YAE1: variants seen among roughly 807,000 people sequenced by gnomAD.
YAE1 encodes protein YAE1 homolog.
In YAE1, 22 loss-of-function variants were observed where a neutral mutation model predicts 23.0. The observed-to-expected ratio is 0.96, with a 90% CI of 0.68 to 1.37. The LOEUF (loss-of-function observed/expected upper bound fraction) is 1.37. Ranked by LOEUF, YAE1 falls within the 40% of genes most tolerant of loss-of-function variation. The pLI, the probability that YAE1 is intolerant of heterozygous loss-of-function variation, is 0.00. For missense variants in YAE1, 260 were observed against 262.1 expected (o/e 0.99, Z 0.06); for synonymous variants, 101 against 97.0 (o/e 1.04, Z -0.24).
chr7:39,603,712 A>G (rs1791087556), intron 2 of YAE1, among the ~76,000 whole-genome samples: 1 of 152,210 alleles, frequency 6.6e-6, no homozygotes, highest in South Asian at 2.1e-4. Flanking sequence ...CCTCAGTCTG[A>G]ATCTTCAATA....
rs535911484 is a variant in YAE1 at position 39,604,591 on chromosome 7, A to T, written c.252-5026A>T. ...CTTAGAGGAGTTTGGGAAACCATTT[A>T]TGTAAACTACTTGGATTGGGCAACT... On this transcript the variant is annotated intron_variant, in intron 2 of 2. Transcript: ENST00000432096. Among the ~76,000 whole-genome samples, 14 of 152,326 alleles carry T rather than the reference A, an allele frequency of 9.2e-5. No homozygotes were observed. In the East Asian group the frequency reaches 1.7e-3, roughly 19 times the overall value.
At chr7:39,582,000 T>C (rs1274541679) in intron 2 of YAE1, among the ~76,000 whole-genome samples, 4 of 152,088 alleles carry the variant, frequency 2.6e-5, no homozygotes, top group Non-Finnish European at 4.4e-5. Context: ...CAATTACAGC[T>C]TATGGCAGCC....
At chr7:39,588,735 C>T (rs1272817610) in intron 2 of YAE1, among the ~76,000 whole-genome samples, 2 of 152,052 alleles carry the variant, frequency 1.3e-5, no homozygotes, top group African/African-American at 4.8e-5. Context: ...CCTGTTTATT[C>T]CCTTGCCTGC....
intron 2 of YAE1, among the ~76,000 whole-genome samples, chr7:39,604,490 T>C (rs1334552355): frequency 6.6e-6 from 1 of 152,212 alleles, no homozygotes; most frequent in Admixed American, 6.5e-5. Flanking sequence ...CCTCCACTGA[T>C]ATTTGAGTCT....
chr7:39,575,537 G>GGAGAGAGAGAGAGAGAGAGAGAGAGAGA (rs56954676), downstream of YAE1, among the ~76,000 whole-genome samples: 2 of 131,208 alleles, frequency 1.5e-5, no homozygotes, highest in African/African-American at 5.8e-5. Context: ...CTAAGATACA[G>GGAGAGAGAGAGAGAGAGAGAGAGAGAGA]GAGAGAGAGA....
chr7:39,598,357 G>T (rs1375660409), intron 2 of YAE1, among the ~76,000 whole-genome samples: 1 of 150,614 alleles, frequency 6.6e-6, no homozygotes, highest in Non-Finnish European at 1.5e-5. Flanking sequence ...TGATCCACCT[G>T]CCTCGCCTTC....
intron 1 of YAE1, chr7:39,569,745 G>T (rs759357921): frequency 2.7e-6 from 2 of 744,266 alleles, no homozygotes; most frequent in Non-Finnish European, 5.1e-6. Flanking sequence ...GAGTGCTGAC[G>T]TACTACTCAT....
intron 1 of YAE1, chr7:39,569,836 C>A (rs764218521): frequency 2.3e-5 from 19 of 812,400 alleles, no homozygotes; most frequent in Non-Finnish European, 4.0e-5. Flanking sequence ...TTTATGAAGT[C>A]CTTCTGAGTC....
At position 39,572,737 on chromosome 7, in the gene YAE1, G is replaced by T. The variant is rs776171466; in HGVS notation, c.*31G>T. 6.5e-7 allele frequency: 1 copy of T among 1,533,980 alleles called. No homozygotes were observed. The highest frequency in any genetic ancestry group is 2.3e-5 in the East Asian group (1 of 44,356). On this transcript the variant is annotated 3_prime_UTR_variant, in exon 3 of 3. Transcript: ENST00000223273. ...CCTTCCCTTTTCTAATGAAAATAAT[G>T]TTCAGAACATTTGGTTTCCTAACAA... is the stretch of plus-strand genomic sequence containing the variant.
intron 2 of YAE1, among the ~76,000 whole-genome samples, chr7:39,578,061 C>T (rs1364602488): frequency 4.6e-5 from 7 of 151,986 alleles, no homozygotes; most frequent in African/African-American, 1.2e-4. Flanking sequence ...GTGTCTAGCT[C>T]GAGGTTTGTG....
chr7:39,610,781 A>G (rs938564920), downstream of YAE1, among the ~76,000 whole-genome samples: 19 of 152,218 alleles, frequency 1.2e-4, no homozygotes, highest in Non-Finnish European at 2.4e-4. Flanking sequence ...AAATTGTAAC[A>G]GTGGATTGTT....
chr7:39,605,403 T>C (rs1791115706), intron 2 of YAE1, among the ~76,000 whole-genome samples: 2 of 152,234 alleles, frequency 1.3e-5, no homozygotes, highest in Admixed American at 6.5e-5. Context: ...AGTTGTCCTA[T>C]CTACTATGGG....
At chr7:39,588,426 G>C (rs1790852436) in intron 2 of YAE1, among the ~76,000 whole-genome samples, 1 of 150,758 alleles carries the variant, frequency 6.6e-6, no homozygotes, top group Non-Finnish European at 1.5e-5. Flanking sequence ...GCAGGAGATC[G>C]CTTGTTGCAG....
downstream of YAE1, among the ~76,000 whole-genome samples, chr7:39,612,085 A>G (rs555223462): frequency 1.2e-3 from 177 of 151,000 alleles, no homozygotes; most frequent in African/African-American, 3.9e-3. Flanking sequence ...AAATTACTTA[A>G]GTTATTTGTT....
intron 2 of YAE1, among the ~76,000 whole-genome samples, chr7:39,587,123 C>T (rs1365701824): frequency 1.3e-5 from 2 of 151,564 alleles, no homozygotes; most frequent in Non-Finnish European, 1.5e-5. Context: ...GTGGTGTGAT[C>T]TTGGCTCACT....
intron 2 of YAE1, among the ~76,000 whole-genome samples, chr7:39,581,543 A>T (rs1442942711): frequency 6.6e-6 from 1 of 152,174 alleles, no homozygotes; most frequent in Non-Finnish European, 1.5e-5. Flanking sequence ...CTAACCTGTA[A>T]TTAAAAATTA....
chr7:39,593,177 C>CATTTTTTTTTTTTTTTT (rs1460627896), intron 2 of YAE1, among the ~76,000 whole-genome samples: 1 of 72,112 alleles, frequency 1.4e-5, no homozygotes, highest in Non-Finnish European at 2.3e-5. Context: ...TTGGTTATTT[C>CATTTTTTTTTTTTTTTT]TTTTTTTTTT....
intron 2 of YAE1, among the ~76,000 whole-genome samples, chr7:39,585,832 G>A (rs1042317606): frequency 6.6e-6 from 1 of 152,092 alleles, no homozygotes; most frequent in Non-Finnish European, 1.5e-5. Flanking sequence ...TGATGGGAGC[G>A]GTGGCTCATG....
chr7:39,594,875 T>C (rs921193119), intron 2 of YAE1, among the ~76,000 whole-genome samples: 19 of 152,146 alleles, frequency 1.2e-4, no homozygotes, highest in Admixed American at 2.0e-4. Context: ...GGATTACAGG[T>C]GTCAGCCACC....
Sources: allele counts gnomAD v4.1 joint callset (sites outside exome capture counted in the v4.1 genomes callset), GRCh38; gene constraint gnomAD v4.1.1; transcripts MANE v1.5; gene names NCBI Gene and HGNC (gene_info 2026-07-23, HGNC 2026-07-21).